The following SETBP1 variants were observed in gnomAD, a reference collection of about 807,000 sequenced individuals.
SETBP1 encodes the protein SET binding protein 1, also known as SET-binding protein.
A neutral mutation model predicts 101.0 loss-of-function variants in SETBP1; 9 were observed. The ratio of observed to expected loss-of-function variants is 0.09; its 90% CI spans 0.05 to 0.16. The LOEUF (loss-of-function observed/expected upper bound fraction) is 0.16. Ranked by LOEUF, SETBP1 falls within the 10% of genes least tolerant of loss-of-function variation. The pLI is 1.00. For synonymous variants in SETBP1, 818 were observed against 788.5 expected, an observed-to-expected ratio of 1.04 and a Z score of -0.63; for missense variants, 1,858 against 2,033.8, an observed-to-expected ratio of 0.91 and a Z score of 1.66.
At chr18:44,912,710 C>T (rs1369607356) in intron 3 of SETBP1, among the ~76,000 whole-genome samples, 1 of 152,114 alleles carries the variant, frequency 6.6e-6, no homozygotes, top group Non-Finnish European at 1.5e-5. Flanking sequence ...AGCCACCGTG[C>T]CTGGCCAGAA....
intron 4 of SETBP1, among the ~76,000 whole-genome samples, chr18:44,970,835 GCGAC>G (rs1260698398): frequency 1.3e-5 from 2 of 151,986 alleles, no homozygotes; most frequent in Admixed American, 1.3e-4. Context: ...ACAGGCCTGA[GCGAC>G]CGCACCCGGC....
At chr18:44,806,856 T>C (rs1414758300) in intron 2 of SETBP1, among the ~76,000 whole-genome samples, 1 of 151,840 alleles carries the variant, frequency 6.6e-6, no homozygotes, top group Non-Finnish European at 1.5e-5. Flanking sequence ...TGCTTTAACA[T>C]AGTGTCCTTA....
At chr18:44,868,294 A>G (rs2069173883) in intron 2 of SETBP1, among the ~76,000 whole-genome samples, 1 of 152,222 alleles carries the variant, frequency 6.6e-6, no homozygotes, top group African/African-American at 2.4e-5. Flanking sequence ...TAAATAGTGT[A>G]TAAAATCATA....
At chr18:44,792,551 C>G (rs1398367079) in intron 2 of SETBP1, among the ~76,000 whole-genome samples, 1 of 152,170 alleles carries the variant, frequency 6.6e-6, no homozygotes, top group Non-Finnish European at 1.5e-5. Flanking sequence ...GTGTACTTTT[C>G]CTGTTGCCCA....
intron 2 of SETBP1, among the ~76,000 whole-genome samples, chr18:44,726,447 A>G (rs762914103): frequency 9.9e-5 from 15 of 152,238 alleles, no homozygotes; most frequent in Non-Finnish European, 2.1e-4. Flanking sequence ...CTTAAGAGGT[A>G]AATCTTACTG....
chr18:44,851,015 C>A (rs2072845233), intron 2 of SETBP1, among the ~76,000 whole-genome samples: 1 of 152,166 alleles, frequency 6.6e-6, no homozygotes, highest in South Asian at 2.1e-4. Context: ...ACCTTGGGAT[C>A]TATTCTGTTA....
At chr18:44,895,700 C>T (rs2069885235) in intron 3 of SETBP1, among the ~76,000 whole-genome samples, 1 of 152,046 alleles carries the variant, frequency 6.6e-6, no homozygotes, top group South Asian at 2.1e-4. Flanking sequence ...TCTTTTCTTC[C>T]CACTGGACAG....
chr18:45,055,559 G>GT (rs962972579), intron 5 of SETBP1, among the ~76,000 whole-genome samples: 40 of 150,800 alleles, frequency 2.7e-4, no homozygotes, highest in Middle Eastern at 3.4e-3. Context: ...GAAAATCTTG[G>GT]TTTTTTTTTA....
intron 4 of SETBP1, among the ~76,000 whole-genome samples, chr18:45,019,165 G>A (rs2073007906): frequency 6.6e-6 from 1 of 152,108 alleles, no homozygotes; most frequent in Non-Finnish European, 1.5e-5. Context: ...CTTGACAAAA[G>A]GGCTGCCCTC....
chr18:44,852,480 G>A (rs1335609454), intron 2 of SETBP1, among the ~76,000 whole-genome samples: 2 of 152,110 alleles, frequency 1.3e-5, no homozygotes, highest in African/African-American at 4.8e-5. Context: ...ATCCCCAGAG[G>A]GTCCGGGGGC....
intron 5 of SETBP1, among the ~76,000 whole-genome samples, chr18:45,040,370 G>A (rs1317931030): frequency 1.3e-5 from 2 of 152,094 alleles, no homozygotes; most frequent in Admixed American, 6.5e-5. Context: ...GATCAAGTTG[G>A]GCAGAGTCTT....
intron 4 of SETBP1, among the ~76,000 whole-genome samples, chr18:45,030,050 G>C (rs1463922923): frequency 1.4e-5 from 2 of 145,320 alleles, no homozygotes; most frequent in African/African-American, 5.0e-5. Context: ...ACGCTATGTT[G>C]AATAGGAGTG....
intron 4 of SETBP1, among the ~76,000 whole-genome samples, chr18:44,966,629 G>A (rs1364614100): frequency 2.0e-5 from 3 of 152,140 alleles, no homozygotes; most frequent in Non-Finnish European, 1.5e-5. Context: ...ATGGTGCTGA[G>A]CACAGATATT....
intron 2 of SETBP1, among the ~76,000 whole-genome samples, chr18:44,706,591 C>CA (rs1018470585): frequency 0.28 from 4,782 of 16,934 alleles, 1,644 homozygotes; most frequent in Middle Eastern, 0.75. Context: ...GACTCAATCT[C>CA]AAAAAAAAAA....
intron 3 of SETBP1, 90 bp from the exon 4 acceptor site, chr18:44,949,791 C>A: frequency 9.6e-7 from 1 of 1,036,638 alleles, no homozygotes; most frequent in Non-Finnish European, 1.5e-6. Flanking sequence ...ATCATTGAGA[C>A]TTTTGATGTC....
At chr18:44,990,927 GAAA>G (rs996043221) in intron 4 of SETBP1, among the ~76,000 whole-genome samples, 1 of 63,190 alleles carries the variant, frequency 1.6e-5, no homozygotes, top group Non-Finnish European at 3.3e-5. Flanking sequence ...CAGAGAGAGA[GAAA>G]AAAAAAAAAA....
Position 44,783,219 on chromosome 18 carries a change from G to A in SETBP1, c.486+81387G>A, listed in dbSNP as rs568366167. ...ATGAGATATTTTGCATGTTTTGGGG[G>A]ACAGATAAGAAGTGCCCTGCACATT... is the stretch of plus-strand genomic sequence containing the variant. On this transcript the variant is annotated intron_variant, in intron 2 of 5. Transcript: ENST00000649279. Among the ~76,000 whole-genome samples the A allele has an allele frequency of 4.9e-4, 74 of 152,306 alleles. 1 individual carries two copies. The highest frequency in any genetic ancestry group is 1.6e-3 in the African/African-American group (67 of 41,564).
chr18:44,934,467 AG>A (rs1289695314), intron 3 of SETBP1, among the ~76,000 whole-genome samples: 1 of 152,126 alleles, frequency 6.6e-6, no homozygotes, highest in Non-Finnish European at 1.5e-5. Context: ...CCATTTTTGA[AG>A]TAGAGAAGAT....
chr18:44,998,180 C>T (rs67531929), intron 4 of SETBP1, among the ~76,000 whole-genome samples: 8,702 of 152,238 alleles, frequency 0.057, 286 homozygotes, highest in South Asian at 0.11. Context: ...TGTTATAATA[C>T]AATGATGGTT....
Sources: gnomAD v4.1 joint callset for allele counts (sites outside exome capture counted in the v4.1 genomes callset) on GRCh38, gnomAD v4.1.1 for gene constraint, MANE v1.5 for transcripts, NCBI Gene and HGNC (gene_info 2026-07-23, HGNC 2026-07-21) for gene names.